TRPC4: variants seen among roughly 807,000 people sequenced by gnomAD.
TRPC4 encodes transient receptor potential cation channel subfamily C member 4, also known as short transient receptor potential channel 4.
A neutral mutation model predicts 99.4 loss-of-function variants in TRPC4; 49 were observed. The ratio of observed to expected loss-of-function variants is 0.49; its 90% confidence interval spans 0.39 to 0.63. The LOEUF (loss-of-function observed/expected upper bound fraction) is 0.63. Among genes scored for constraint, TRPC4 ranks in the 20% least tolerant of loss-of-function variants. The pLI is 0.00. For synonymous variants in TRPC4, 454 were observed against 425.9 expected (o/e 1.07, Z -0.81); for missense variants, 898 against 1,152.9 (o/e 0.78, Z 3.20).
chr13:37,649,855 C>A (rs1044163673), intron 8 of TRPC4, among the ~76,000 whole-genome samples: 3 of 151,170 alleles, frequency 2.0e-5, no homozygotes, highest in African/African-American at 7.3e-5. Context: ...CTTCTAAGGT[C>A]AGTGATAAAG....
chr13:37,817,353 C>G (rs771203520), intron 1 of TRPC4, among the ~76,000 whole-genome samples: 5 of 151,958 alleles, frequency 3.3e-5, no homozygotes, highest in Non-Finnish European at 7.4e-5. Flanking sequence ...CTACAAAGCA[C>G]AAAGCTCAAA....
intron 3 of TRPC4, among the ~76,000 whole-genome samples, chr13:37,692,918 A>C (rs1953767799): frequency 1.3e-5 from 2 of 152,214 alleles, no homozygotes; most frequent in East Asian, 3.9e-4. Context: ...AGTAGTATTC[A>C]CCAGAATGTT....
intron 1 of TRPC4, among the ~76,000 whole-genome samples, chr13:37,792,102 A>G (rs1026453346): frequency 1.3e-5 from 2 of 152,184 alleles, no homozygotes; most frequent in Admixed American, 6.6e-5. Flanking sequence ...TTAATTAGCA[A>G]TTATACAAGC....
At chr13:37,711,684 T>C (rs574892970) in intron 3 of TRPC4, among the ~76,000 whole-genome samples, 25 of 152,086 alleles carry the variant, frequency 1.6e-4, no homozygotes, top group Non-Finnish European at 3.1e-4. Context: ...TATATTTCTT[T>C]ACATAATTTT....
chr13:37,704,260 G>A (rs1954196447), intron 3 of TRPC4, among the ~76,000 whole-genome samples: 1 of 152,202 alleles, frequency 6.6e-6, no homozygotes, highest in South Asian at 2.1e-4. Context: ...ACCTGTGATG[G>A]TGATGGATGT....
At chr13:37,855,298 T>G (rs889919561) in intron 1 of TRPC4, among the ~76,000 whole-genome samples, 4 of 147,206 alleles carry the variant, frequency 2.7e-5, no homozygotes, top group South Asian at 2.1e-4. Context: ...ACAATGTAGA[T>G]ATATATATAT....
intron 2 of TRPC4, 72 bp from the exon 3 acceptor site, chr13:37,746,527 C>G: frequency 6.8e-7 from 1 of 1,481,268 alleles, no homozygotes; most frequent in Non-Finnish European, 9.0e-7. Flanking sequence ...ATACACCATG[C>G]TATAGCAATA....
chr13:37,671,550 C>T (rs1282156302), intron 5 of TRPC4, among the ~76,000 whole-genome samples: 1 of 147,636 alleles, frequency 6.8e-6, no homozygotes, highest in Non-Finnish European at 1.5e-5. Flanking sequence ...ACTCATAGTA[C>T]ATGAGAAAGA....
chr13:37,656,591 G>A (rs1952245653), intron 6 of TRPC4, among the ~76,000 whole-genome samples: 1 of 152,160 alleles, frequency 6.6e-6, no homozygotes, highest in South Asian at 2.1e-4. Context: ...CCAGTGGCCT[G>A]TGGCATGCAT....
At chr13:37,645,604 T>G (rs867305240) in intron 8 of TRPC4, among the ~76,000 whole-genome samples, 2 of 152,224 alleles carry the variant, frequency 1.3e-5, no homozygotes, top group Non-Finnish European at 2.9e-5. Flanking sequence ...GTTCTTCTCC[T>G]TTCACGAAAA....
chr13:37,816,625 A>C (rs1957864338), intron 1 of TRPC4, among the ~76,000 whole-genome samples: 1 of 152,046 alleles, frequency 6.6e-6, no homozygotes, highest in African/African-American at 2.4e-5. Flanking sequence ...AAAAATCCTC[A>C]AGAAAATAGT....
intron 1 of TRPC4, among the ~76,000 whole-genome samples, chr13:37,869,134 C>T (rs561431473): frequency 3.0e-4 from 45 of 152,088 alleles, no homozygotes; most frequent in Non-Finnish European, 5.6e-4. Context: ...CTCCTTCCTT[C>T]GTTACCCTAC....
intron 3 of TRPC4, among the ~76,000 whole-genome samples, chr13:37,697,729 C>T (rs1010778878): frequency 5.9e-5 from 9 of 152,048 alleles, no homozygotes; most frequent in Non-Finnish European, 7.3e-5. Context: ...AATATCAGGC[C>T]CCACTTCAAA....
chr13:37,734,772 C>A, intron 3 of TRPC4, among the ~76,000 whole-genome samples: 1 of 152,190 alleles, frequency 6.6e-6, no homozygotes, highest in Middle Eastern at 3.4e-3. Flanking sequence ...TAGATAAGGG[C>A]ATGGAGAAAA....
chr13:37,795,795 C>G (rs1202963217), intron 1 of TRPC4, among the ~76,000 whole-genome samples: 1 of 152,112 alleles, frequency 6.6e-6, no homozygotes, highest in East Asian at 1.9e-4. Context: ...CTTAGTGACT[C>G]TTATTATTTT....
chr13:37,640,064 C>T (rs1238643587), intron 8 of TRPC4, among the ~76,000 whole-genome samples: 4 of 151,828 alleles, frequency 2.6e-5, no homozygotes, highest in Middle Eastern at 3.4e-3. Flanking sequence ...TGCAGATTCT[C>T]AAGTATTCTA....
At chr13:37,655,729 T>C (rs1277433051) in intron 6 of TRPC4, among the ~76,000 whole-genome samples, 1 of 152,144 alleles carries the variant, frequency 6.6e-6, no homozygotes, top group African/African-American at 2.4e-5. Flanking sequence ...GCATTTTCTA[T>C]AGCTTCTTTT....
intron 1 of TRPC4, among the ~76,000 whole-genome samples, chr13:37,826,603 C>T (rs1163562611): frequency 6.6e-6 from 1 of 151,826 alleles, no homozygotes; most frequent in East Asian, 1.9e-4. Flanking sequence ...ATATTGGTCC[C>T]CACTCTCTTC....
At chr13:37,862,710 C>T (rs1462102964) in intron 1 of TRPC4, among the ~76,000 whole-genome samples, 1 of 151,572 alleles carries the variant, frequency 6.6e-6, no homozygotes, top group Admixed American at 6.6e-5. Flanking sequence ...GGCTTATGAA[C>T]AAACTTTGCT....
Sources: allele counts gnomAD v4.1 joint callset (sites outside exome capture counted in the v4.1 genomes callset), GRCh38; gene constraint gnomAD v4.1.1; transcripts MANE v1.5; gene names NCBI Gene and HGNC (gene_info 2026-07-23, HGNC 2026-07-21).